The following NAALADL2 variants were observed in gnomAD, a reference collection of about 807,000 sequenced individuals.
NAALADL2 encodes the protein inactive N-acetylated-alpha-linked acidic dipeptidase-like protein 2.
Under a neutral mutation model 87.2 loss-of-function variants are expected in NAALADL2, and 76 were observed. The ratio of observed to expected loss-of-function variants is 0.87; its 90% CI spans 0.72 to 1.05. NAALADL2 has a LOEUF of 1.05. NAALADL2 is among the 50% of genes least tolerant of loss of function. NAALADL2 has a pLI of 0.00. For synonymous variants in NAALADL2, 354 were observed against 331.0 expected (o/e 1.07, Z -0.75); for missense variants, 1,089 against 945.8 (o/e 1.15, Z -1.99).
chr3:175,674,383 C>T (rs1734466492), intron 11 of NAALADL2, among the ~76,000 whole-genome samples: 2 of 151,920 alleles, frequency 1.3e-5, no homozygotes, highest in African/African-American at 4.8e-5. Context: ...CCTCAGCCTT[C>T]CGAGTAGCTG....
chr3:175,157,222 A>T (rs886184630), intron 2 of NAALADL2, among the ~76,000 whole-genome samples: 2 of 152,112 alleles, frequency 1.3e-5, no homozygotes, highest in Non-Finnish European at 2.9e-5. Flanking sequence ...TATCATGAGG[A>T]TAGGAAAAGA....
intron 5 of NAALADL2, among the ~76,000 whole-genome samples, chr3:175,439,635 T>A (rs1206060376): frequency 6.6e-6 from 1 of 152,042 alleles, no homozygotes; most frequent in Non-Finnish European, 1.5e-5. Flanking sequence ...CGTTTGTATA[T>A]CTTCTTGTGA....
At position 175,324,337 on chromosome 3, in the gene NAALADL2, G is replaced by A. The variant is rs201280209; in HGVS notation, c.1090+12G>A. 2 of 1,605,834 alleles carry A rather than the reference G, an allele frequency of 1.2e-6. No individual in the cohort carries two copies. The highest frequency in any genetic ancestry group is 2.7e-5 in the African/African-American group (2 of 74,560). Reference sequence around the variant, plus strand: ...TTACCCAAGTGTCGGTAAGTTTGTTGGTCATCATTATTATACTTGTAAGTA... The same window carrying A: ...TTACCCAAGTGTCGGTAAGTTTGTTAGTCATCATTATTATACTTGTAAGTA... On this transcript the variant is annotated intron_variant, in intron 5 of 13. Transcript: ENST00000454872.
chr3:175,685,085 A>G (rs1340408562), intron 11 of NAALADL2, among the ~76,000 whole-genome samples: 1 of 152,150 alleles, frequency 6.6e-6, no homozygotes, highest in East Asian at 1.9e-4. Flanking sequence ...CCTCACTCCC[A>G]TATCAAGAGT....
intron 1 of NAALADL2, among the ~76,000 whole-genome samples, chr3:174,916,900 T>TCTTTTTTAA: frequency 1.3e-5 from 2 of 152,126 alleles, no homozygotes; most frequent in South Asian, 4.1e-4. Flanking sequence ...AGATTTAAAG[T>TCTTTTTTAA]GCAAAATATT....
chr3:175,666,362 C>G (rs1732992862), intron 11 of NAALADL2, among the ~76,000 whole-genome samples: 1 of 152,138 alleles, frequency 6.6e-6, no homozygotes, highest in Non-Finnish European at 1.5e-5. Context: ...GAATAACAAG[C>G]TTTTCCTCAA....
intron 1 of NAALADL2, among the ~76,000 whole-genome samples, chr3:175,093,839 C>T (rs753095840): frequency 2.6e-5 from 4 of 151,840 alleles, no homozygotes; most frequent in Non-Finnish European, 5.9e-5. Flanking sequence ...AGATATCCAT[C>T]ATAGTGAGGA....
chr3:175,677,901 C>T (rs1048665880), intron 11 of NAALADL2, among the ~76,000 whole-genome samples: 3 of 152,080 alleles, frequency 2.0e-5, no homozygotes, highest in Non-Finnish European at 2.9e-5. Context: ...TGACAATTGC[C>T]TCAGGTCTCC....
intron 2 of NAALADL2, among the ~76,000 whole-genome samples, chr3:174,578,284 G>A (rs1715767513): frequency 6.6e-6 from 1 of 151,580 alleles, no homozygotes; most frequent in African/African-American, 2.4e-5. Context: ...CAAATTTTAG[G>A]AAAACAAAAC....
At chr3:174,665,238 C>A (rs557993115) in intron 2 of NAALADL2, among the ~76,000 whole-genome samples, 6 of 152,102 alleles carry the variant, frequency 3.9e-5, no homozygotes, top group Non-Finnish European at 8.8e-5. Flanking sequence ...AGAAACCAAA[C>A]AGCCCTAAGA....
At chr3:175,048,430 G>A (rs1365927404) in intron 1 of NAALADL2, among the ~76,000 whole-genome samples, 3 of 151,966 alleles carry the variant, frequency 2.0e-5, no homozygotes, top group African/African-American at 7.2e-5. Flanking sequence ...AATGTTTTCG[G>A]TGTGCTTGCT....
chr3:174,921,787 A>G (rs148062842), intron 1 of NAALADL2, among the ~76,000 whole-genome samples: 13,278 of 142,020 alleles, frequency 0.093, 703 homozygotes, highest in Middle Eastern at 0.14. Flanking sequence ...CCTGGGCAAC[A>G]GAGCAAGACT....
intron 2 of NAALADL2, among the ~76,000 whole-genome samples, chr3:175,176,986 A>G (rs1004179257): frequency 7.9e-5 from 12 of 152,144 alleles, no homozygotes; most frequent in Non-Finnish European, 1.5e-4. Flanking sequence ...TCATTCGTAT[A>G]TAGAAGAATA....
At chr3:174,821,991 G>C (rs899708429) in intron 3 of NAALADL2, among the ~76,000 whole-genome samples, 4 of 152,152 alleles carry the variant, frequency 2.6e-5, no homozygotes, top group African/African-American at 9.6e-5. Context: ...AATTCACTGC[G>C]ATAATAAAGA....
intron 9 of NAALADL2, among the ~76,000 whole-genome samples, chr3:175,517,958 A>G (rs1417906884): frequency 6.6e-6 from 1 of 152,130 alleles, no homozygotes; most frequent in Non-Finnish European, 1.5e-5. Flanking sequence ...TTGTTATGGA[A>G]ATGGGCTTTC....
intron 13 of NAALADL2, among the ~76,000 whole-genome samples, chr3:175,790,435 G>C (rs1484101351): frequency 6.6e-6 from 1 of 152,114 alleles, no homozygotes; most frequent in Non-Finnish European, 1.5e-5. Context: ...CACAAGCAGA[G>C]CCAGTAGATG....
chr3:175,090,673 C>G (rs956012109), intron 1 of NAALADL2, among the ~76,000 whole-genome samples: 1 of 151,446 alleles, frequency 6.6e-6, no homozygotes, highest in Non-Finnish European at 1.5e-5. Context: ...ATCAACATAA[C>G]TCAGGCTTCA....
intron 2 of NAALADL2, among the ~76,000 whole-genome samples, chr3:174,564,295 G>A (rs1049254360): frequency 3.9e-5 from 6 of 152,010 alleles, no homozygotes; most frequent in Non-Finnish European, 8.8e-5. Flanking sequence ...CATCCTTTGG[G>A]AAAAAACATG....
intron 2 of NAALADL2, among the ~76,000 whole-genome samples, chr3:174,657,340 A>G (rs1485381168): frequency 2.0e-5 from 3 of 152,026 alleles, no homozygotes; most frequent in African/African-American, 4.8e-5. Context: ...TAGTTTTAGT[A>G]GAGACGGGGC....
Sources: allele counts gnomAD v4.1 joint callset (sites outside exome capture counted in the v4.1 genomes callset), GRCh38; gene constraint gnomAD v4.1.1; transcripts MANE v1.5; gene names NCBI Gene and HGNC (gene_info 2026-07-23, HGNC 2026-07-21).